FAM168A: variants seen among roughly 807,000 people sequenced by gnomAD.
FAM168A encodes the protein protein FAM168A.
FAM168A carries 3 observed loss-of-function variants against 28.5 expected under a neutral mutation model. The ratio of observed to expected loss-of-function variants is 0.11; its 90% CI spans 0.05 to 0.27. The LOEUF is 0.27. Among genes scored for constraint, FAM168A ranks in the 10% least tolerant of loss-of-function variants. The pLI is 1.00. For missense variants in FAM168A, 222 were observed against 311.5 expected (o/e 0.71, Z 2.16); for synonymous variants, 122 against 124.2 (o/e 0.98, Z 0.12).
intron 1 of FAM168A, among the ~76,000 whole-genome samples, chr11:73,504,283 A>G (rs560678730): frequency 6.6e-6 from 1 of 152,336 alleles, no homozygotes; most frequent in South Asian, 2.1e-4. Context: ...GCCAGAATTT[A>G]CAAGGAACTT....
At chr11:73,526,965 G>A (rs1943455180) in intron 1 of FAM168A, among the ~76,000 whole-genome samples, 1 of 148,996 alleles carries the variant, frequency 6.7e-6, no homozygotes, top group South Asian at 2.2e-4. Flanking sequence ...AAAAGACTAA[G>A]TAGATCACAG....
intron 1 of FAM168A, among the ~76,000 whole-genome samples, chr11:73,536,243 A>T (rs1016693068): frequency 1.3e-5 from 2 of 152,230 alleles, no homozygotes; most frequent in Non-Finnish European, 2.9e-5. Flanking sequence ...CCAACATAAA[A>T]GACAGAATTC....
intron 6 of FAM168A, among the ~76,000 whole-genome samples, chr11:73,407,856 G>A (rs1450753412): frequency 2.0e-5 from 3 of 152,190 alleles, no homozygotes; most frequent in Non-Finnish European, 4.4e-5. Flanking sequence ...CAGAATCAAT[G>A]ACTATTCTAA....
intron 1 of FAM168A, among the ~76,000 whole-genome samples, chr11:73,469,854 AC>A (rs1256605308): frequency 2.6e-5 from 4 of 151,928 alleles, no homozygotes; most frequent in Non-Finnish European, 5.9e-5. Context: ...AAATAAAAGC[AC>A]TCTCCTCGCA....
At chr11:73,548,938 A>G (rs1337311557) in intron 1 of FAM168A, among the ~76,000 whole-genome samples, 2 of 151,772 alleles carry the variant, frequency 1.3e-5, no homozygotes, top group Non-Finnish European at 2.9e-5. Context: ...ACCTGGCTCC[A>G]TAGACATTTC....
chr11:73,425,832 C>T (rs575264887), intron 3 of FAM168A, among the ~76,000 whole-genome samples: 11 of 152,208 alleles, frequency 7.2e-5, no homozygotes, highest in Non-Finnish European at 1.2e-4. Flanking sequence ...GGGATCCCCC[C>T]GCCTTGCCCT....
intron 2 of FAM168A, among the ~76,000 whole-genome samples, chr11:73,458,450 CTT>C (rs1867579917): frequency 6.6e-6 from 1 of 152,166 alleles, no homozygotes; most frequent in Non-Finnish European, 1.5e-5. Flanking sequence ...AATCCATCTG[CTT>C]TTAGCATCAC....
chr11:73,545,163 CTA>C (rs983574026), intron 1 of FAM168A, among the ~76,000 whole-genome samples: 3 of 147,502 alleles, frequency 2.0e-5, no homozygotes, highest in African/African-American at 7.6e-5. Context: ...GTAGCTAAGA[CTA>C]TAGACATGCA....
At chr11:73,511,385 G>A (rs962631063) in intron 1 of FAM168A, among the ~76,000 whole-genome samples, 6 of 151,738 alleles carry the variant, frequency 4.0e-5, no homozygotes, top group Non-Finnish European at 7.4e-5. Flanking sequence ...TACAGGCACC[G>A]GCCACTACGC....
chr11:73,443,344 G>A (rs1338124289), intron 2 of FAM168A, among the ~76,000 whole-genome samples: 1 of 152,076 alleles, frequency 6.6e-6, no homozygotes, highest in Non-Finnish European at 1.5e-5. Context: ...AATGCAAAAG[G>A]AAGACATAAT....
intron 2 of FAM168A, among the ~76,000 whole-genome samples, chr11:73,465,236 C>T (rs2134571202): frequency 6.7e-6 from 1 of 148,600 alleles, no homozygotes. Context: ...TGACACACTC[C>T]AGAACACATA....
intron 3 of FAM168A, among the ~76,000 whole-genome samples, chr11:73,428,418 G>C (rs1866926931): frequency 6.6e-6 from 1 of 152,142 alleles, no homozygotes; most frequent in Non-Finnish European, 1.5e-5. Context: ...CTTCACTCCT[G>C]ATTCACTGCA....
intron 1 of FAM168A, among the ~76,000 whole-genome samples, chr11:73,592,117 T>C (rs750203849): frequency 6.6e-6 from 1 of 152,176 alleles, no homozygotes; most frequent in Non-Finnish European, 1.5e-5. Flanking sequence ...TAGCCAAGGA[T>C]TGAAGTTTAC....
Position 73,419,916 on chromosome 11 carries a change from C to T in FAM168A, c.235G>A (p.Gly79Arg), listed in dbSNP as rs770914743. ...EGTFHLPVDT[G>R]TENRTYQASS... ...GCTTGGTAAGTTCGGTTCTCGGTCCCGGTGTCCACTGGGAGGTGGAAGGTG... is the reference window on the plus strand; with the variant it reads ...GCTTGGTAAGTTCGGTTCTCGGTCCTGGTGTCCACTGGGAGGTGGAAGGTG... Residue 79 changes from glycine (G) to arginine (R), a missense_variant, in exon 4 of 8, where the codon GGG (glycine) becomes AGG (arginine). Gly to Arg is a moderately radical substitution (Grantham distance 125). Coordinates refer to ENST00000356467, the MANE Select transcript of FAM168A (RefSeq NM_015159.3). 13 of 1,614,016 alleles carry T rather than the reference C, an allele frequency of 8.1e-6. No homozygotes were observed. The highest frequency in any genetic ancestry group is 1.7e-5 in the Admixed American group (1 of 60,010).
intron 1 of FAM168A, among the ~76,000 whole-genome samples, chr11:73,524,361 A>C (rs1486946375): frequency 6.6e-6 from 1 of 152,018 alleles, no homozygotes; most frequent in Non-Finnish European, 1.5e-5. Flanking sequence ...TCATAAGCCA[A>C]AACCTAACTA....
chr11:73,416,953 A>G (rs1296313400), intron 4 of FAM168A, among the ~76,000 whole-genome samples: 1 of 149,356 alleles, frequency 6.7e-6, no homozygotes, highest in East Asian at 2.1e-4. Flanking sequence ...CTCAAAAAAA[A>G]GGTGGGGGTG....
chr11:73,425,102 T>C (rs910015123), intron 3 of FAM168A: 1 of 1,334,888 alleles, frequency 7.5e-7, no homozygotes, highest in Non-Finnish European at 1.0e-6. Context: ...TGCAAAGTTG[T>C]ATACATTGCA....
intron 1 of FAM168A, among the ~76,000 whole-genome samples, chr11:73,567,255 A>C (rs1298457348): frequency 6.6e-6 from 1 of 152,206 alleles, no homozygotes; most frequent in Admixed American, 6.5e-5. Flanking sequence ...GGAAATCTCA[A>C]ATTTCCGGCT....
intron 1 of FAM168A, among the ~76,000 whole-genome samples, chr11:73,487,711 A>G (rs983327449): frequency 1.3e-5 from 2 of 152,110 alleles, no homozygotes; most frequent in Non-Finnish European, 2.9e-5. Context: ...GTTATTACTA[A>G]TAACTGAAAC....
Sources: gnomAD v4.1 joint callset for allele counts (sites outside exome capture counted in the v4.1 genomes callset) on GRCh38, gnomAD v4.1.1 for gene constraint, MANE v1.5 for transcripts, NCBI Gene and HGNC (gene_info 2026-07-23, HGNC 2026-07-21) for gene names.